Variants in ARHGAP8 observed in about 807,000 individuals in gnomAD.
ARHGAP8 encodes rho GTPase-activating protein 8.
In ARHGAP8, 62 loss-of-function variants were observed where a neutral mutation model predicts 46.1. The ratio of observed to expected loss-of-function variants is 1.34; its 90% confidence interval spans 1.10 to 1.66. The LOEUF (loss-of-function observed/expected upper bound fraction) is 1.66. Among genes scored for constraint, ARHGAP8 ranks in the 40% most tolerant of loss-of-function variants. The probability of loss-of-function intolerance (pLI) is 0.00; values close to 1 mark genes in which losing one functional copy is unlikely to be tolerated. For missense variants in ARHGAP8, 923 were observed against 568.4 expected, an observed-to-expected ratio of 1.62 and a Z score of -6.34; for synonymous variants, 375 against 243.1, an observed-to-expected ratio of 1.54 and a Z score of -5.05.
intron 2 of ARHGAP8, among the ~76,000 whole-genome samples, chr22:44,788,004 T>G (rs1927397741): frequency 6.8e-6 from 1 of 146,436 alleles, no homozygotes; most frequent in Non-Finnish European, 1.5e-5. Context: ...GGACCGAGTG[T>G]GAGGAATGCA....
At chr22:44,844,150 T>C (rs947856201) in intron 7 of ARHGAP8, among the ~76,000 whole-genome samples, 2 of 152,092 alleles carry the variant, frequency 1.3e-5, no homozygotes, top group African/African-American at 2.4e-5. Context: ...TTTTGCATTT[T>C]TAGTAGAGAC....
chr22:44,757,627 G>C (rs1447402762), intron 1 of ARHGAP8, among the ~76,000 whole-genome samples: 1 of 151,778 alleles, frequency 6.6e-6, no homozygotes, highest in Non-Finnish European at 1.5e-5. Flanking sequence ...CTGCTCCTTT[G>C]GAGTGTTTTT....
intron 4 of ARHGAP8, among the ~76,000 whole-genome samples, chr22:44,812,755 G>A (rs1929428224): frequency 6.6e-6 from 1 of 152,050 alleles, no homozygotes; most frequent in African/African-American, 2.4e-5. Context: ...CACTTTCATT[G>A]CTGCTGCTTG....
intron 11 of ARHGAP8, 43 bp from the exon 12 acceptor site, chr22:44,862,232 C>T (rs1399721963): frequency 3.2e-6 from 5 of 1,549,384 alleles, no homozygotes; most frequent in African/African-American, 1.4e-5. Context: ...TGCCCGTGCC[C>T]CTTGGTGTTC....
chr22:44,829,589 G>T (rs6007311), intron 7 of ARHGAP8, among the ~76,000 whole-genome samples: 84 of 152,312 alleles, frequency 5.5e-4, no homozygotes, highest in African/African-American at 1.8e-3. Flanking sequence ...CACACTGCGC[G>T]TGCAGCTTGG....
At chr22:44,802,397 C>G (rs1331218695) in intron 3 of ARHGAP8, among the ~76,000 whole-genome samples, 2 of 152,184 alleles carry the variant, frequency 1.3e-5, no homozygotes, top group Non-Finnish European at 2.9e-5. Context: ...GGTTTTGTTT[C>G]CTTTTAGCCA....
At chr22:44,843,350 C>T (rs971015711) in intron 7 of ARHGAP8, among the ~76,000 whole-genome samples, 1 of 151,980 alleles carries the variant, frequency 6.6e-6, no homozygotes, top group African/African-American at 2.4e-5. Context: ...AAATAGAATG[C>T]CAAATAGAAA....
At position 44,850,795 on chromosome 22, in the gene ARHGAP8, T is replaced by A. The variant is rs2147171266; in HGVS notation, c.877+1735T>A. 1.3e-5 allele frequency: 2 copies of A among 152,010 alleles called. 1 individual carries two copies. The highest frequency in any genetic ancestry group is 4.2e-4 in the South Asian group (2 of 4,802). 9.4% of individuals were successfully genotyped at this position (152,010 alleles called of 1,614,324 possible). On this transcript the variant is annotated intron_variant, in intron 10 of 11. Transcript: ENST00000356099. ...GCCTGGTCAACATGGCAAAACCCTGTCTCTACTAAAATACAAAAATTAGCC... is the reference window on the plus strand; with the variant it reads ...GCCTGGTCAACATGGCAAAACCCTGACTCTACTAAAATACAAAAATTAGCC...
chr22:44,816,884 C>CTTTTTTTTTTT (rs981732386), intron 5 of ARHGAP8, among the ~76,000 whole-genome samples: 1 of 115,076 alleles, frequency 8.7e-6, no homozygotes, highest in Non-Finnish European at 1.8e-5. Flanking sequence ...TTCTTTCTTT[C>CTTTTTTTTTTT]TTTTTTTTTT....
chr22:44,832,992 A>C (rs763046423), intron 7 of ARHGAP8, among the ~76,000 whole-genome samples: 3 of 151,394 alleles, frequency 2.0e-5, no homozygotes, highest in African/African-American at 4.9e-5. Flanking sequence ...CACACACACA[A>C]AAGAATCAAC....
chr22:44,771,071 G>T (rs1264001216), intron 1 of ARHGAP8, among the ~76,000 whole-genome samples: 1 of 152,054 alleles, frequency 6.6e-6, no homozygotes, highest in South Asian at 2.1e-4. Context: ...GTTGTTGATG[G>T]ATTTTTAAGT....
intron 8 of ARHGAP8, among the ~76,000 whole-genome samples, chr22:44,847,106 T>C (rs1435430305): frequency 1.3e-5 from 2 of 152,192 alleles, no homozygotes; most frequent in African/African-American, 4.8e-5. Flanking sequence ...TCCAGATGCC[T>C]GCGCCACAGT....
intron 5 of ARHGAP8, among the ~76,000 whole-genome samples, chr22:44,821,698 C>T (rs1023082387): frequency 1.3e-5 from 2 of 152,230 alleles, no homozygotes; most frequent in East Asian, 1.9e-4. Context: ...CTGCAAATAG[C>T]CTTGCATTGT....
intron 7 of ARHGAP8, among the ~76,000 whole-genome samples, chr22:44,844,618 A>G (rs2069909843): frequency 1.3e-5 from 2 of 152,136 alleles, no homozygotes; most frequent in South Asian, 4.2e-4. Context: ...GTACACGATC[A>G]CATCCAGCTA....
At position 44,862,380 on chromosome 22, in the gene ARHGAP8, C is replaced by A. The variant is rs150754629; in HGVS notation, c.1087C>A (p.Leu363Ile). ...CCAGGGGGTCTCCTCCCTGAGTGCC[C>A]TTGTGCCCCTGAACATGTTCACTGA... ...PSQGVSSLSA[L>I]VPLNMFTELL... The change falls in exon 12 of 12, where the codon CTT (leucine) becomes ATT (isoleucine). Residue 363 changes from leucine to isoleucine, a missense_variant. Transcript: ENST00000356099. 1.3e-5 allele frequency: 21 copies of A among 1,614,160 alleles called. No homozygotes were observed. The African/African-American group carries it at 2.4e-4, about 18-fold the overall frequency.
intron 1 of ARHGAP8, among the ~76,000 whole-genome samples, chr22:44,773,419 T>A (rs1926185817): frequency 6.6e-6 from 1 of 152,208 alleles, no homozygotes; most frequent in South Asian, 2.1e-4. Context: ...CATACATGCA[T>A]TTATATAGTA....
At chr22:44,814,782 C>A in intron 5 of ARHGAP8, 24 bp downstream of exon 5, 1 of 1,612,618 alleles carries the variant, frequency 6.2e-7, no homozygotes, top group Non-Finnish European at 8.5e-7. Context: ...TGGGAGAGGA[C>A]CTCGCTGGGG....
At chr22:44,796,584 G>A (rs1410324199) in intron 2 of ARHGAP8, among the ~76,000 whole-genome samples, 1 of 151,974 alleles carries the variant, frequency 6.6e-6, no homozygotes, top group Non-Finnish European at 1.5e-5. Context: ...CTTCAATGGG[G>A]GCCCTGGATT....
intron 10 of ARHGAP8, among the ~76,000 whole-genome samples, chr22:44,858,837 C>G (rs2269546): frequency 0.28 from 41,884 of 147,134 alleles, 6,356 homozygotes; most frequent in African/African-American, 0.38. Context: ...GCTGAGAATC[C>G]TGAGCAGGCA....
Sources: allele counts gnomAD v4.1 joint callset (sites outside exome capture counted in the v4.1 genomes callset), GRCh38; gene constraint gnomAD v4.1.1; transcripts MANE v1.5; gene names NCBI Gene and HGNC (gene_info 2026-07-23, HGNC 2026-07-21).